Variants in FAAH2 observed in about 807,000 individuals in gnomAD.
The protein encoded by FAAH2 is fatty-acid amide hydrolase 2.
A neutral mutation model predicts 36.9 loss-of-function variants in FAAH2; 60 were observed. The ratio of observed to expected loss-of-function variants is 1.63; its 90% confidence interval spans 1.32 to 2.02. FAAH2 has a LOEUF of 2.02. Ranked by LOEUF, FAAH2 falls within the 30% of genes most tolerant of loss-of-function variation. FAAH2 has a pLI of 0.00. For synonymous variants in FAAH2, 214 were observed against 143.8 expected (o/e 1.49, Z -3.49); for missense variants, 689 against 397.5 (o/e 1.73, Z -6.23).
At chrX:57,395,675 A>T (rs1488647033) in intron 7 of FAAH2, among the ~76,000 whole-genome samples, 1 of 111,431 alleles carries the variant, frequency 9.0e-6, no homozygotes, top group African/African-American at 3.3e-5. Flanking sequence ...TACATTATTG[A>T]TTTGCATATG....
At chrX:57,477,146 A>T (rs962447189) in intron 10 of FAAH2, among the ~76,000 whole-genome samples, 1 of 110,495 alleles carries the variant, frequency 9.1e-6, no homozygotes, top group Non-Finnish European at 1.9e-5. Context: ...TTTTCAAAAA[A>T]CCTGTTCCTG....
At chrX:57,161,345 G>T in the FAAH2 span, among the ~76,000 whole-genome samples, 3 of 111,309 alleles carry the variant, frequency 2.7e-5, no homozygotes, top group Non-Finnish European at 5.7e-5. Context: ...TGTTGATTTG[G>T]GGTGGAGAGT....
chrX:57,251,262 C>T, the FAAH2 span, among the ~76,000 whole-genome samples: 359 of 112,039 alleles, frequency 3.2e-3, no homozygotes, highest in African/African-American at 0.011. Flanking sequence ...ATATGATTAT[C>T]TTAATAGATG....
chrX:57,427,017 A>G (rs1040291086), intron 7 of FAAH2, among the ~76,000 whole-genome samples: 1 of 111,609 alleles, frequency 9.0e-6, no homozygotes, highest in Non-Finnish European at 1.9e-5. Flanking sequence ...TGAGAAGAAG[A>G]GAGATGATTC....
chrX:57,157,426 T>C, the FAAH2 span, among the ~76,000 whole-genome samples: 11 of 111,663 alleles, frequency 9.9e-5, no homozygotes, highest in East Asian at 2.8e-3. Context: ...TCCCTTCTGG[T>C]CCAGGGCTGG....
At chrX:57,289,456 A>G (rs933881765) in intron 1 of FAAH2, among the ~76,000 whole-genome samples, 3 of 111,006 alleles carry the variant, frequency 2.7e-5, no homozygotes, top group Non-Finnish European at 5.6e-5. Context: ...CATCATACAT[A>G]GCCTGGTCAT....
chrX:57,395,027 C>T (rs372361751), intron 7 of FAAH2: 1 of 560,672 alleles, frequency 1.8e-6, no homozygotes, highest in Admixed American at 2.2e-5. Context: ...TTTCCCAGCA[C>T]TGATGCTAGT....
chrX:57,377,369 G>A (rs1602455851), intron 5 of FAAH2, among the ~76,000 whole-genome samples: 1 of 112,373 alleles, frequency 8.9e-6, no homozygotes, highest in South Asian at 3.7e-4. Flanking sequence ...CATATGGCTA[G>A]CCAGTTTTCC....
chrX:57,272,055 C>T, the FAAH2 span, among the ~76,000 whole-genome samples: 1 of 108,513 alleles, frequency 9.2e-6, no homozygotes, highest in Non-Finnish European at 1.9e-5. Flanking sequence ...TAGAGAAGAA[C>T]ATATATGATC....
At chrX:57,160,583 T>C in the FAAH2 span, among the ~76,000 whole-genome samples, 75 of 112,110 alleles carry the variant, frequency 6.7e-4, no homozygotes, top group African/African-American at 2.4e-3. Flanking sequence ...GTGTATGTGT[T>C]GAGGAATTTA....
At chrX:57,217,911 G>A in the FAAH2 span, among the ~76,000 whole-genome samples, 2 of 111,819 alleles carry the variant, frequency 1.8e-5, no homozygotes, top group Non-Finnish European at 3.8e-5. Context: ...ACCCATTTAT[G>A]AGCATGGCAT....
intron 10 of FAAH2, chrX:57,452,066 C>T (rs1240672634): frequency 2.1e-6 from 1 of 471,220 alleles, no homozygotes; most frequent in East Asian, 1.9e-4. Context: ...ATTACCAGGA[C>T]AGATGGAAGG....
chrX:57,360,921 G>T (rs916033515), intron 5 of FAAH2, among the ~76,000 whole-genome samples: 7 of 111,345 alleles, frequency 6.3e-5, no homozygotes, highest in African/African-American at 2.3e-4. Flanking sequence ...GTAAGAACAT[G>T]CAGTGTTTGG....
At chrX:57,180,314 C>T in the FAAH2 span, among the ~76,000 whole-genome samples, 23 of 111,183 alleles carry the variant, frequency 2.1e-4, no homozygotes, top group Admixed American at 1.1e-3. Flanking sequence ...AAAATATGAA[C>T]GAACCAATGA....
chrX:57,451,666 G>C (rs761049090), intron 10 of FAAH2, among the ~76,000 whole-genome samples: 1 of 111,530 alleles, frequency 9.0e-6, no homozygotes, highest in East Asian at 2.8e-4. Flanking sequence ...GGAACACTGT[G>C]GACAGAGGGT....
chrX:57,417,672 G>C (rs764423420), intron 7 of FAAH2, among the ~76,000 whole-genome samples: 25 of 111,737 alleles, frequency 2.2e-4, no homozygotes, highest in Middle Eastern at 4.6e-3. Flanking sequence ...GTCGACCCCT[G>C]CTTGGAGCTG....
chrX:57,159,276 T>G, the FAAH2 span, among the ~76,000 whole-genome samples: 64 of 112,137 alleles, frequency 5.7e-4, no homozygotes, highest in Non-Finnish European at 1.0e-3. Flanking sequence ...GGTAGCATGA[T>G]GCCTCCAGCT....
chrX:57,456,120 C>A (rs1369280746), intron 10 of FAAH2, among the ~76,000 whole-genome samples: 1 of 111,711 alleles, frequency 9.0e-6, no homozygotes, highest in Admixed American at 9.5e-5. Flanking sequence ...GACCATAGTG[C>A]AATAAAAGCA....
chrX:57,242,209 C>A, the FAAH2 span, among the ~76,000 whole-genome samples: 713 of 111,559 alleles, frequency 6.4e-3, 5 homozygotes, highest in African/African-American at 0.022. Context: ...CAAGAGAGCT[C>A]CAGCTGGCAT....
Sources: gnomAD v4.1 joint callset for allele counts (sites outside exome capture counted in the v4.1 genomes callset) on GRCh38, gnomAD v4.1.1 for gene constraint, MANE v1.5 for transcripts, NCBI Gene and HGNC (gene_info 2026-07-23, HGNC 2026-07-21) for gene names.